Variants in SLC9B1 observed in about 807,000 individuals in gnomAD.
SLC9B1 encodes the protein solute carrier family 9 member B1.
A neutral mutation model predicts 51.7 loss-of-function variants in SLC9B1; 32 were observed. The observed-to-expected ratio is 0.62, with a 90% CI of 0.47 to 0.83. SLC9B1 has a LOEUF of 0.83. Ranked by LOEUF, SLC9B1 falls within the 40% of genes least tolerant of loss-of-function variation. The probability of loss-of-function intolerance (pLI) is 0.00; values close to 1 mark genes in which losing one functional copy is unlikely to be tolerated. For synonymous variants in SLC9B1, 145 were observed against 212.7 expected (o/e 0.68, Z 2.77); for missense variants, 406 against 613.2 (o/e 0.66, Z 3.57).
chr4:102,999,670 C>CA (rs1740416434), intron 1 of SLC9B1, among the ~76,000 whole-genome samples: 1 of 152,130 alleles, frequency 6.6e-6, no homozygotes, highest in Admixed American at 6.5e-5. Flanking sequence ...TTAACCAAAT[C>CA]AGAGATTGAG....
intron 11 of SLC9B1, chr4:102,888,804 A>G (rs1318362933): frequency 6.6e-6 from 1 of 152,222 alleles, no homozygotes; most frequent in Non-Finnish European, 1.5e-5. Context: ...TTTCTGTTGT[A>G]AAAGAGTTAC....
chr4:102,922,019 A>G (rs1735905051), intron 7 of SLC9B1, among the ~76,000 whole-genome samples: 1 of 152,226 alleles, frequency 6.6e-6, no homozygotes, highest in Admixed American at 6.5e-5. Flanking sequence ...GAAGGTTAAC[A>G]AAGATATCCA....
chr4:102,946,149 T>C lies in SLC9B1; in HGVS notation c.525+498A>G, dbSNP rs140085867. 6.1e-3 allele frequency among the ~76,000 whole-genome samples: 928 copies of C among 152,358 alleles called. 7 individuals are homozygous for C. Among genetic ancestry groups the C allele is most frequent in the Non-Finnish European group, 9.1e-3 (620 of 68,030 alleles). On this transcript the variant is annotated intron_variant, in intron 5 of 11. Coordinates refer to ENST00000296422, the MANE Select transcript of SLC9B1 (RefSeq NM_139173.4). ...CCTCCCAAATAATATAGGTGCTATATAAGAGACATTTATCTCTGTGCAAAT... is the reference window on the plus strand; with the variant it reads ...CCTCCCAAATAATATAGGTGCTATACAAGAGACATTTATCTCTGTGCAAAT...
chr4:102,919,573 C>A (rs1469373469), intron 7 of SLC9B1, among the ~76,000 whole-genome samples: 6 of 152,136 alleles, frequency 3.9e-5, no homozygotes, highest in Non-Finnish European at 7.3e-5. Context: ...TGGGTGCAGG[C>A]CCACAGAGGG....
intron 3 of SLC9B1, chr4:102,962,236 G>A: frequency 5.6e-6 from 3 of 538,236 alleles, no homozygotes; most frequent in South Asian, 2.8e-5. Context: ...AAAGGAGAAT[G>A]TTGAGGGGAG....
chr4:102,911,161 G>A (rs1735316937), intron 8 of SLC9B1, among the ~76,000 whole-genome samples: 1 of 152,152 alleles, frequency 6.6e-6, no homozygotes, highest in Admixed American at 6.5e-5. Flanking sequence ...CAGTTTAGTA[G>A]AGAAAGGGAA....
chr4:102,965,863 G>A (rs1738398041), intron 3 of SLC9B1, among the ~76,000 whole-genome samples: 1 of 152,126 alleles, frequency 6.6e-6, no homozygotes, highest in African/African-American at 2.4e-5. Flanking sequence ...CATTCCAAAA[G>A]GGAGAAATAG....
chr4:102,928,234 C>T (rs1041134366), intron 7 of SLC9B1, among the ~76,000 whole-genome samples: 5 of 152,038 alleles, frequency 3.3e-5, no homozygotes, highest in African/African-American at 1.2e-4. Context: ...ACAACACCAA[C>T]AAAAAAAGAA....
intron 11 of SLC9B1, among the ~76,000 whole-genome samples, chr4:102,885,853 A>G (rs1382967728): frequency 6.6e-6 from 1 of 152,222 alleles, no homozygotes; most frequent in Non-Finnish European, 1.5e-5. Flanking sequence ...CATCCACATT[A>G]CATATCTTTG....
intron 1 of SLC9B1, among the ~76,000 whole-genome samples, chr4:103,012,919 C>T (rs77041268): frequency 0.013 from 2,000 of 152,220 alleles, 16 homozygotes; most frequent in Non-Finnish European, 0.022. Context: ...AGGGCAGATC[C>T]CTCATGACCT....
chr4:102,923,224 T>C (rs1415546745), intron 7 of SLC9B1, among the ~76,000 whole-genome samples: 1 of 152,118 alleles, frequency 6.6e-6, no homozygotes, highest in Non-Finnish European at 1.5e-5. Flanking sequence ...ACGATCAAGT[T>C]GGCTTCATCC....
chr4:102,984,950 G>A, intron 3 of SLC9B1, among the ~76,000 whole-genome samples: 1 of 152,026 alleles, frequency 6.6e-6, no homozygotes, highest in East Asian at 1.9e-4. Flanking sequence ...AGAGTAGCTG[G>A]GACTAAAGAT....
At chr4:102,943,720 C>T (rs1737132573) in intron 6 of SLC9B1, among the ~76,000 whole-genome samples, 1 of 152,124 alleles carries the variant, frequency 6.6e-6, no homozygotes, top group Admixed American at 6.6e-5. Flanking sequence ...AAGAATGATA[C>T]AATGGGCTTT....
At chr4:102,942,302 T>G (rs985981846) in intron 6 of SLC9B1, among the ~76,000 whole-genome samples, 6 of 152,014 alleles carry the variant, frequency 3.9e-5, no homozygotes, top group Non-Finnish European at 7.4e-5. Flanking sequence ...TACATCATCA[T>G]TCTTCCCTGA....
chr4:102,929,931 C>T (rs983804309), intron 7 of SLC9B1, among the ~76,000 whole-genome samples: 1 of 152,088 alleles, frequency 6.6e-6, no homozygotes, highest in African/African-American at 2.4e-5. Flanking sequence ...ACTTTAACTT[C>T]TGAATGGTAA....
intron 7 of SLC9B1, among the ~76,000 whole-genome samples, chr4:102,918,372 A>G (rs1735694059): frequency 1.3e-5 from 2 of 152,200 alleles, no homozygotes; most frequent in Non-Finnish European, 2.9e-5. Flanking sequence ...AAATCTTAAT[A>G]GACCTATAAC....
chr4:102,958,608 G>A (rs1219867288), intron 3 of SLC9B1, among the ~76,000 whole-genome samples: 1 of 152,004 alleles, frequency 6.6e-6, no homozygotes, highest in Non-Finnish European at 1.5e-5. Flanking sequence ...CTATGACCAT[G>A]CCATTGTCTC....
chr4:103,006,109 A>G (rs1005286124), intron 1 of SLC9B1, among the ~76,000 whole-genome samples: 3 of 152,142 alleles, frequency 2.0e-5, no homozygotes, highest in African/African-American at 7.2e-5. Context: ...ACCTGAACTG[A>G]ATGAAATTGG....
At chr4:103,009,821 A>G (rs185625435) in intron 1 of SLC9B1, among the ~76,000 whole-genome samples, 21 of 152,340 alleles carry the variant, frequency 1.4e-4, no homozygotes, top group African/African-American at 5.1e-4. Context: ...ACAATTATAA[A>G]CAACCACAGT....
Sources: allele counts gnomAD v4.1 joint callset (sites outside exome capture counted in the v4.1 genomes callset), GRCh38; gene constraint gnomAD v4.1.1; transcripts MANE v1.5; gene names NCBI Gene and HGNC (gene_info 2026-07-23, HGNC 2026-07-21).